DCC: variants seen among roughly 807,000 people sequenced by gnomAD.
DCC encodes the protein netrin receptor DCC.
Under a neutral mutation model 172.5 loss-of-function variants are expected in DCC, and 58 were observed. The ratio of observed to expected loss-of-function variants is 0.34; its 90% CI spans 0.27 to 0.42. The LOEUF (loss-of-function observed/expected upper bound fraction) is 0.42. Ranked by LOEUF, DCC falls within the 10% of genes least tolerant of loss-of-function variation. DCC has a pLI of 1.00. For synonymous variants in DCC, 709 were observed against 644.5 expected (o/e 1.10, Z -1.52); for missense variants, 1,740 against 1,791.0 (o/e 0.97, Z 0.51).
chr18:52,645,849 G>C (rs1015763866), intron 1 of DCC, among the ~76,000 whole-genome samples: 1 of 152,146 alleles, frequency 6.6e-6, no homozygotes, highest in Non-Finnish European at 1.5e-5. Flanking sequence ...GAAAGACTTG[G>C]CTGTATCAGA....
chr18:53,531,032 A>G lies in DCC; in HGVS notation c.*379A>G, dbSNP rs549416381. Reference sequence around the variant, plus strand: ...TGTAGGTCTAGTCTTACAAAATGCAAGTGCATTATTTAAGCCTGTACCATG... The same window carrying G: ...TGTAGGTCTAGTCTTACAAAATGCAGGTGCATTATTTAAGCCTGTACCATG... On this transcript the variant is annotated 3_prime_UTR_variant, in exon 29 of 29. Coordinates refer to ENST00000442544, the MANE Select transcript of DCC (RefSeq NM_005215.4). 3.8e-5 allele frequency: 13 copies of G among 345,430 alleles called. No homozygotes were observed. The highest frequency in any genetic ancestry group is 9.7e-4 in the Middle Eastern group (1 of 1,026). 21.4% of individuals were successfully genotyped at this position (345,430 alleles called of 1,614,324 possible).
chr18:52,350,140 C>A (rs766295924), intron 1 of DCC, among the ~76,000 whole-genome samples: 9 of 152,140 alleles, frequency 5.9e-5, no homozygotes, highest in Non-Finnish European at 1.3e-4. Context: ...TGAGCCTTTA[C>A]CAACGATTAC....
At chr18:53,441,227 T>C (rs1270389288) in intron 22 of DCC, among the ~76,000 whole-genome samples, 2 of 152,106 alleles carry the variant, frequency 1.3e-5, no homozygotes, top group Admixed American at 1.3e-4. Flanking sequence ...AAATCAAGTG[T>C]CCCATTGTCA....
At chr18:52,767,641 T>C (rs910991558) in intron 2 of DCC, among the ~76,000 whole-genome samples, 20 of 152,342 alleles carry the variant, frequency 1.3e-4, no homozygotes, top group Non-Finnish European at 2.6e-4. Context: ...AAGGTCTAAA[T>C]TTGTTTCTTC....
chr18:53,187,535 A>G (rs1416146032), intron 9 of DCC, among the ~76,000 whole-genome samples: 1 of 152,206 alleles, frequency 6.6e-6, no homozygotes, highest in Non-Finnish European at 1.5e-5. Context: ...TTAGTATAAA[A>G]TATTTTAGTA....
At chr18:52,685,206 T>G (rs1001201784) in intron 1 of DCC, among the ~76,000 whole-genome samples, 2 of 152,140 alleles carry the variant, frequency 1.3e-5, no homozygotes, top group African/African-American at 4.8e-5. Context: ...TGCTTAAATT[T>G]TTTTCTTTGC....
At chr18:52,515,323 G>A (rs2031589189) in intron 1 of DCC, among the ~76,000 whole-genome samples, 1 of 151,854 alleles carries the variant, frequency 6.6e-6, no homozygotes, top group Non-Finnish European at 1.5e-5. Flanking sequence ...ATAGATCATA[G>A]ACGGCTGGGT....
At chr18:53,456,189 G>C (rs948082582) in intron 23 of DCC, among the ~76,000 whole-genome samples, 90 of 152,316 alleles carry the variant, frequency 5.9e-4, no homozygotes, top group African/African-American at 2.0e-3. Flanking sequence ...AGAGAGTCTT[G>C]AAAGGAGACT....
intron 5 of DCC, among the ~76,000 whole-genome samples, chr18:52,941,394 T>G (rs935044376): frequency 6.6e-6 from 1 of 151,948 alleles, no homozygotes; most frequent in African/African-American, 2.4e-5. Flanking sequence ...ATATGAAAAA[T>G]TATGCATCTT....
At chr18:52,691,739 G>A (rs1357402825) in intron 1 of DCC, among the ~76,000 whole-genome samples, 2 of 152,146 alleles carry the variant, frequency 1.3e-5, no homozygotes, top group African/African-American at 2.4e-5. Flanking sequence ...AGATTAGAAT[G>A]TAGAAACACC....
At chr18:53,157,917 T>G (rs1205568880) in intron 8 of DCC, among the ~76,000 whole-genome samples, 2 of 152,192 alleles carry the variant, frequency 1.3e-5, no homozygotes, top group Non-Finnish European at 2.9e-5. Flanking sequence ...AGCCTCATTT[T>G]CCTCTTTAAT....
At chr18:52,423,981 C>G (rs1250699538) in intron 1 of DCC, among the ~76,000 whole-genome samples, 1 of 152,056 alleles carries the variant, frequency 6.6e-6, no homozygotes, top group Non-Finnish European at 1.5e-5. Context: ...AGAATGGTTT[C>G]TTGTTCATCC....
At chr18:52,967,640 T>C (rs907162049) in intron 5 of DCC, among the ~76,000 whole-genome samples, 3 of 152,212 alleles carry the variant, frequency 2.0e-5, no homozygotes, top group African/African-American at 7.2e-5. Context: ...TACTTTCTTC[T>C]AGATTTACCA....
intron 5 of DCC, among the ~76,000 whole-genome samples, chr18:53,059,700 A>G (rs552637474): frequency 6.6e-6 from 1 of 152,004 alleles, no homozygotes; most frequent in Non-Finnish European, 1.5e-5. Flanking sequence ...TCATTAATTG[A>G]CTTTTTTATG....
At chr18:52,800,770 G>A (rs2037970343) in intron 2 of DCC, among the ~76,000 whole-genome samples, 1 of 152,168 alleles carries the variant, frequency 6.6e-6, no homozygotes, top group Non-Finnish European at 1.5e-5. Flanking sequence ...AGCAAGAGAA[G>A]TTTTCTTTTT....
At chr18:53,498,113 C>T (rs1402990867) in intron 26 of DCC, among the ~76,000 whole-genome samples, 1 of 152,130 alleles carries the variant, frequency 6.6e-6, no homozygotes, top group Admixed American at 6.5e-5. Flanking sequence ...GTATAGATAC[C>T]CTCTGAAGAC....
intron 3 of DCC, among the ~76,000 whole-genome samples, chr18:52,916,300 C>T (rs1028236230): frequency 6.6e-6 from 1 of 151,620 alleles, no homozygotes; most frequent in South Asian, 2.1e-4. Flanking sequence ...ACTTGTTACA[C>T]ATTTCTCAAA....
chr18:52,441,343 G>A (rs190905218), intron 1 of DCC, among the ~76,000 whole-genome samples: 14 of 152,242 alleles, frequency 9.2e-5, no homozygotes, highest in Admixed American at 3.3e-4. Context: ...TGATTTTTGC[G>A]TGAAAAAGAG....
chr18:52,826,185 C>T (rs1018668697), intron 2 of DCC, among the ~76,000 whole-genome samples: 1 of 152,170 alleles, frequency 6.6e-6, no homozygotes, highest in African/African-American at 2.4e-5. Context: ...AGTTGTACAA[C>T]ACAATAGCAT....
Sources: allele counts gnomAD v4.1 joint callset (sites outside exome capture counted in the v4.1 genomes callset), GRCh38; gene constraint gnomAD v4.1.1; transcripts MANE v1.5; gene names NCBI Gene and HGNC (gene_info 2026-07-23, HGNC 2026-07-21).